Variants in CSTPP1 observed in about 807,000 individuals in gnomAD.
The protein encoded by CSTPP1 is UPF0705 protein C11orf49.
At chr11:46,986,641 G>A in the CSTPP1 span, among the ~76,000 whole-genome samples, 2 of 151,964 alleles carry the variant, frequency 1.3e-5, no homozygotes, top group Admixed American at 1.3e-4. Context: ...GCTAATTTTT[G>A]TATTATTGGT....
the CSTPP1 span, among the ~76,000 whole-genome samples, chr11:46,947,820 G>A: frequency 1.1e-4 from 17 of 152,240 alleles, no homozygotes; most frequent in East Asian, 3.1e-3. Context: ...CAGGACTTCA[G>A]ATCAGGTGTT....
At chr11:47,040,825 A>G in the CSTPP1 span, among the ~76,000 whole-genome samples, 2 of 126,842 alleles carry the variant, frequency 1.6e-5, 1 homozygote, top group Non-Finnish European at 3.7e-5. Context: ...ACACACATTC[A>G]TCTTAGACCA....
At chr11:47,100,681 C>T in the CSTPP1 span, among the ~76,000 whole-genome samples, 1 of 152,164 alleles carries the variant, frequency 6.6e-6, no homozygotes, top group Non-Finnish European at 1.5e-5. Flanking sequence ...GTCCCAGCTC[C>T]TTGGGAGGCT....
At chr11:46,976,039 T>C in the CSTPP1 span, among the ~76,000 whole-genome samples, 1 of 152,106 alleles carries the variant, frequency 6.6e-6, no homozygotes, top group Admixed American at 6.6e-5. Context: ...TACAGAGTTT[T>C]AGGAGAGTGG....
the CSTPP1 span, among the ~76,000 whole-genome samples, chr11:46,941,997 C>T: frequency 6.6e-6 from 1 of 152,182 alleles, no homozygotes; most frequent in Non-Finnish European, 1.5e-5. Context: ...ATTGTATTTA[C>T]CTTTCTGACT....
the CSTPP1 span, among the ~76,000 whole-genome samples, chr11:46,999,428 T>A: frequency 6.6e-6 from 1 of 152,282 alleles, no homozygotes; most frequent in East Asian, 1.9e-4. Flanking sequence ...TCAAGCCTCA[T>A]CTGCAGTATT....
chr11:46,957,398 T>G, the CSTPP1 span, among the ~76,000 whole-genome samples: 1 of 152,324 alleles, frequency 6.6e-6, no homozygotes, highest in South Asian at 2.1e-4. Flanking sequence ...GCATGCAAAG[T>G]AATATTTTAG....
the CSTPP1 span, chr11:47,138,012 C>A: frequency 2.3e-5 from 12 of 514,010 alleles, no homozygotes; most frequent in Non-Finnish European, 3.8e-5. Flanking sequence ...CTCCAATACC[C>A]CCACACACAC....
chr11:47,040,506 A>G, the CSTPP1 span, among the ~76,000 whole-genome samples: 1 of 126,270 alleles, frequency 7.9e-6, no homozygotes, highest in African/African-American at 2.5e-5. Flanking sequence ...AAAAAGAGAC[A>G]TGGAGCCAGC....
At chr11:47,128,816 A>G in the CSTPP1 span, among the ~76,000 whole-genome samples, 3 of 152,184 alleles carry the variant, frequency 2.0e-5, no homozygotes, top group Admixed American at 6.5e-5. Context: ...AGATAGGTAT[A>G]ATCCTTTGCC....
chr11:47,132,579 G>A, the CSTPP1 span, among the ~76,000 whole-genome samples: 2 of 152,198 alleles, frequency 1.3e-5, no homozygotes, highest in Non-Finnish European at 1.5e-5. Context: ...TGTACAGCTT[G>A]TCTAAGTCAT....
the CSTPP1 span, among the ~76,000 whole-genome samples, chr11:46,977,874 C>A: frequency 6.6e-6 from 1 of 152,084 alleles, no homozygotes; most frequent in Non-Finnish European, 1.5e-5. Context: ...AGTGCCTTCT[C>A]ATTGGAATAG....
At chr11:47,072,913 T>G in the CSTPP1 span, among the ~76,000 whole-genome samples, 1 of 152,190 alleles carries the variant, frequency 6.6e-6, no homozygotes, top group South Asian at 2.1e-4. Context: ...CACTGAACAT[T>G]TATATTTATT....
chr11:47,036,461 C>G, the CSTPP1 span, among the ~76,000 whole-genome samples: 1 of 117,468 alleles, frequency 8.5e-6, no homozygotes, highest in African/African-American at 2.6e-5. Context: ...GTATTAAACT[C>G]TAATTAGTAG....
chr11:47,158,303 C>A, the CSTPP1 span, among the ~76,000 whole-genome samples: 1 of 151,778 alleles, frequency 6.6e-6, no homozygotes, highest in Admixed American at 6.6e-5. Context: ...CATTTATAAA[C>A]AAGGCACAGG....
the CSTPP1 span, among the ~76,000 whole-genome samples, chr11:47,026,984 C>T: frequency 6.6e-6 from 1 of 152,276 alleles, no homozygotes; most frequent in East Asian, 1.9e-4. Context: ...GTACCTTCCT[C>T]AGGATCCTCC....
the CSTPP1 span, chr11:47,157,269 T>C: frequency 1.7e-5 from 26 of 1,510,148 alleles, no homozygotes; most frequent in Admixed American, 5.9e-4. Flanking sequence ...GGGGTCGGAC[T>C]GCTGGCTGCG....
the CSTPP1 span, chr11:47,157,887 C>A: frequency 6.2e-7 from 1 of 1,614,084 alleles, no homozygotes; most frequent in Admixed American, 1.7e-5. Context: ...TTCCTCATGG[C>A]TCTCTCAAAG....
At chr11:47,093,232 G>T in the CSTPP1 span, among the ~76,000 whole-genome samples, 9 of 152,286 alleles carry the variant, frequency 5.9e-5, no homozygotes, top group East Asian at 1.5e-3. Flanking sequence ...AAATACCTAA[G>T]TTGGTCAAGA....
Sources: allele counts gnomAD v4.1 joint callset (sites outside exome capture counted in the v4.1 genomes callset), GRCh38; gene constraint gnomAD v4.1.1; transcripts MANE v1.5; gene names NCBI Gene and HGNC (gene_info 2026-07-23, HGNC 2026-07-21).